SLC16A7: variants seen among roughly 807,000 people sequenced by gnomAD.
The protein encoded by SLC16A7 is solute carrier family 16 member 7, also known as monocarboxylate transporter 2.
SLC16A7 carries 33 observed loss-of-function variants against 34.9 expected under a neutral mutation model. That is an observed-to-expected ratio of 0.94 (90% CI 0.72 to 1.26). The LOEUF is 1.26. Ranked by LOEUF, SLC16A7 falls within the 50% of genes most tolerant of loss-of-function variation. The pLI, the probability that SLC16A7 is intolerant of heterozygous loss-of-function variation, is 0.00. For synonymous variants in SLC16A7, 201 were observed against 206.6 expected (o/e 0.97, Z 0.23); for missense variants, 573 against 578.1 (o/e 0.99, Z 0.09).
At chr12:59,643,063 C>A (rs1034080425) in intron 1 of SLC16A7, among the ~76,000 whole-genome samples, 6 of 151,998 alleles carry the variant, frequency 3.9e-5, no homozygotes, top group Non-Finnish European at 8.8e-5. Context: ...CACTTAGATT[C>A]TGTATAAAAT....
chr12:59,669,920 TA>T lies in SLC16A7; in HGVS notation c.-31+14674del, dbSNP rs111253533. 1.0e-3 allele frequency among the ~76,000 whole-genome samples: 156 copies of T among 152,314 alleles called. 5 individuals carry two copies. Among genetic ancestry groups the T allele is most frequent in the African/African-American group, 3.5e-3 (147 of 41,556 alleles). On this transcript the variant is annotated intron_variant, in intron 2 of 5. Transcript: ENST00000547379. ...AGTGTGAGAATAATGTGAATTTATA[TA>T]AAACTGTACCTGGTAGATTACAAGT...
chr12:59,712,625 C>T (rs894323135), intron 3 of SLC16A7, among the ~76,000 whole-genome samples: 1 of 152,158 alleles, frequency 6.6e-6, no homozygotes. Flanking sequence ...TGTGTAGAAG[C>T]AGATTCCTCA....
At chr12:59,741,252 A>G (rs1878301445) in intron 3 of SLC16A7, among the ~76,000 whole-genome samples, 1 of 152,234 alleles carries the variant, frequency 6.6e-6, no homozygotes, top group Non-Finnish European at 1.5e-5. Flanking sequence ...CCGCATCGCC[A>G]AGTCAATCCT....
At chr12:59,605,446 C>T (rs1367919894) in intron 1 of SLC16A7, among the ~76,000 whole-genome samples, 1 of 152,128 alleles carries the variant, frequency 6.6e-6, no homozygotes, top group African/African-American at 2.4e-5. Flanking sequence ...TCAGTGAGTG[C>T]ATGAACAGAG....
chr12:59,598,584 G>A lies in SLC16A7; in HGVS notation c.-130+2348G>A, dbSNP rs369287502. 6.8e-4 allele frequency among the ~76,000 whole-genome samples: 104 copies of A among 152,232 alleles called. 2 individuals are homozygous for A. Among genetic ancestry groups the A allele is most frequent in the African/African-American group, 2.3e-3 (97 of 41,536 alleles). On this transcript the variant is annotated intron_variant, in intron 1 of 5. Transcript: ENST00000547379. ...AAATGTTGGTAAGATCTGCTAAAAG[G>A]CAAATTTGAGAAGAATGTCTTTTCT...
At chr12:59,742,839 CTG>C (rs1194179016) in intron 3 of SLC16A7, among the ~76,000 whole-genome samples, 4 of 152,260 alleles carry the variant, frequency 2.6e-5, no homozygotes, top group Admixed American at 2.6e-4. Context: ...TTTTTCCTCT[CTG>C]TATAAATCCA....
At chr12:59,744,529 A>C (rs1028056344) in intron 3 of SLC16A7, among the ~76,000 whole-genome samples, 1 of 152,186 alleles carries the variant, frequency 6.6e-6, no homozygotes, top group Admixed American at 6.5e-5. Context: ...CCCTCAATTC[A>C]TTCGTGCAAC....
In SLC16A7 at chr12:59,730,779, A is replaced by G. The variant is rs184136484; in HGVS notation, c.217+25761A>G. Among the ~76,000 whole-genome samples the G allele has an allele frequency of 1.0e-3, 154 of 152,320 alleles. 2 individuals carry two copies. The highest frequency in any genetic ancestry group is 3.6e-3 in the African/African-American group (149 of 41,584). On this transcript the variant is annotated intron_variant, in intron 3 of 5. Transcript: ENST00000547379. Reference sequence around the variant, plus strand: ...CTTGCATTTCAGAATGGAATGGCCCAGTACTATTTTCCTCCACTAAAGTAT... The same window carrying G: ...CTTGCATTTCAGAATGGAATGGCCCGGTACTATTTTCCTCCACTAAAGTAT...
intron 3 of SLC16A7, among the ~76,000 whole-genome samples, chr12:59,722,599 C>T (rs1187276471): frequency 1.3e-5 from 2 of 151,868 alleles, no homozygotes; most frequent in Non-Finnish European, 2.9e-5. Flanking sequence ...ACCAGCCATG[C>T]TCTCACCTCA....
At chr12:59,606,998 TCCAGACCACTG>T (rs1878976968) in intron 1 of SLC16A7, among the ~76,000 whole-genome samples, 1 of 152,158 alleles carries the variant, frequency 6.6e-6, no homozygotes, top group African/African-American at 2.4e-5. Flanking sequence ...TTGGGCCAAA[TCCAGACCACTG>T]CCTGATTTTG....
intron 3 of SLC16A7, among the ~76,000 whole-genome samples, chr12:59,735,433 C>G (rs1877476580): frequency 6.6e-6 from 1 of 152,088 alleles, no homozygotes; most frequent in Non-Finnish European, 1.5e-5. Context: ...GCTTAATGGC[C>G]ACTAATTTAT....
chr12:59,755,531 T>A (rs1880207876), intron 3 of SLC16A7, among the ~76,000 whole-genome samples: 1 of 152,110 alleles, frequency 6.6e-6, no homozygotes, highest in African/African-American at 2.4e-5. Flanking sequence ...ATAAAATACC[T>A]AGGAATCCAC....
intron 3 of SLC16A7, among the ~76,000 whole-genome samples, chr12:59,764,992 CTGT>C (rs1881437704): frequency 6.6e-6 from 1 of 152,200 alleles, no homozygotes. Flanking sequence ...TCTCCAGCAC[CTGT>C]TGTTTCCTGA....
At chr12:59,639,353 T>A (rs1284005806) in intron 1 of SLC16A7, among the ~76,000 whole-genome samples, 1 of 152,078 alleles carries the variant, frequency 6.6e-6, no homozygotes, top group African/African-American at 2.4e-5. Context: ...ACCAAAGTGA[T>A]TAAAAGGAAA....
intron 3 of SLC16A7, 28 bp from the exon 4 acceptor site, chr12:59,771,187 CTGAG>C (rs1882184793): frequency 1.9e-6 from 3 of 1,582,650 alleles, no homozygotes; most frequent in Non-Finnish European, 2.6e-6. Context: ...ACAAGAGCAA[CTGAG>C]TATTTCTTTA....
intron 1 of SLC16A7, among the ~76,000 whole-genome samples, chr12:59,646,258 A>C (rs1011984145): frequency 6.6e-6 from 1 of 152,062 alleles, no homozygotes; most frequent in Non-Finnish European, 1.5e-5. Context: ...CCTAGGAGGG[A>C]AAAATCATTT....
At chr12:59,660,146 A>AT (rs915487312) in intron 2 of SLC16A7, among the ~76,000 whole-genome samples, 5 of 151,366 alleles carry the variant, frequency 3.3e-5, no homozygotes, top group Admixed American at 6.6e-5. Flanking sequence ...AATCCTTTAG[A>AT]TTTTTTTTTA....
At chr12:59,625,662 A>G (rs1879894873) in intron 1 of SLC16A7, among the ~76,000 whole-genome samples, 1 of 151,850 alleles carries the variant, frequency 6.6e-6, no homozygotes, top group Non-Finnish European at 1.5e-5. Flanking sequence ...TGGATATGGT[A>G]GCAACTCAAG....
chr12:59,779,315 CATT>C, intron 5 of SLC16A7, 105 bp from the exon 6 acceptor site: 1 of 835,500 alleles, frequency 1.2e-6, no homozygotes, highest in Non-Finnish European at 1.8e-6. Context: ...TCTTATTTGA[CATT>C]AATTTAAATA....
Sources: allele counts gnomAD v4.1 joint callset (sites outside exome capture counted in the v4.1 genomes callset), GRCh38; gene constraint gnomAD v4.1.1; transcripts MANE v1.5; gene names NCBI Gene and HGNC (gene_info 2026-07-23, HGNC 2026-07-21).